AKAP19: variants seen among roughly 807,000 people sequenced by gnomAD.
AKAP19 encodes small A-kinase anchoring protein.
the AKAP19 span, among the ~76,000 whole-genome samples, chr2:190,168,073 C>G: frequency 2.6e-5 from 4 of 152,298 alleles, no homozygotes; most frequent in South Asian, 8.3e-4. Context: ...CAAACTTCTG[C>G]CTGGACATTC....
chr2:190,126,107 A>C, the AKAP19 span, among the ~76,000 whole-genome samples: 4 of 151,556 alleles, frequency 2.6e-5, no homozygotes, highest in Admixed American at 6.6e-5. Flanking sequence ...CCTGGCCAAC[A>C]TGATGAAATC....
chr2:190,188,746 C>T, the AKAP19 span, among the ~76,000 whole-genome samples: 175 of 152,300 alleles, frequency 1.1e-3, no homozygotes, highest in African/African-American at 4.1e-3. Flanking sequence ...ATTTAAACAG[C>T]TGCTATTATG....
At chr2:189,964,544 T>C in the AKAP19 span, among the ~76,000 whole-genome samples, 1 of 152,218 alleles carries the variant, frequency 6.6e-6, no homozygotes, top group African/African-American at 2.4e-5. Flanking sequence ...GAAGTATTTT[T>C]TGTTGATATT....
the AKAP19 span, among the ~76,000 whole-genome samples, chr2:190,126,934 A>C: frequency 1.3e-5 from 2 of 152,142 alleles, no homozygotes; most frequent in Non-Finnish European, 2.9e-5. Flanking sequence ...TTTCTGATGT[A>C]CTTGGCTAAG....
chr2:189,934,409 T>C, the AKAP19 span, among the ~76,000 whole-genome samples: 1 of 152,048 alleles, frequency 6.6e-6, no homozygotes, highest in Non-Finnish European at 1.5e-5. Context: ...TCTAAACTAA[T>C]TTTTGGTTCA....
chr2:189,958,982 A>G, the AKAP19 span, among the ~76,000 whole-genome samples: 2 of 152,108 alleles, frequency 1.3e-5, no homozygotes, highest in African/African-American at 4.8e-5. Flanking sequence ...TAAAATACAC[A>G]AAAGTGAGGA....
the AKAP19 span, among the ~76,000 whole-genome samples, chr2:189,923,155 A>G: frequency 2.4e-4 from 36 of 152,292 alleles, no homozygotes; most frequent in Middle Eastern, 0.017. Flanking sequence ...CATCTCTAAA[A>G]AAATAAATAA....
At chr2:189,932,550 A>G in the AKAP19 span, among the ~76,000 whole-genome samples, 4 of 150,712 alleles carry the variant, frequency 2.7e-5, no homozygotes, top group Non-Finnish European at 5.9e-5. Flanking sequence ...CTTCTCCTTT[A>G]TTTACTACTA....
At chr2:190,072,305 AG>A in the AKAP19 span, among the ~76,000 whole-genome samples, 1 of 152,150 alleles carries the variant, frequency 6.6e-6, no homozygotes, top group Admixed American at 6.6e-5. Flanking sequence ...AACTAACTGT[AG>A]GGTACTAAGC....
the AKAP19 span, among the ~76,000 whole-genome samples, chr2:189,946,507 A>G: frequency 2.0e-5 from 3 of 152,210 alleles, no homozygotes; most frequent in Non-Finnish European, 4.4e-5. Context: ...TATATTTAAG[A>G]GTTTAACGAC....
At chr2:189,974,264 T>A in the AKAP19 span, among the ~76,000 whole-genome samples, 5 of 152,246 alleles carry the variant, frequency 3.3e-5, no homozygotes, top group Non-Finnish European at 5.9e-5. Context: ...AGCAGGTTGT[T>A]CAGTTTCCAT....
the AKAP19 span, among the ~76,000 whole-genome samples, chr2:190,075,038 T>C: frequency 1.9e-4 from 29 of 152,324 alleles, no homozygotes; most frequent in African/African-American, 7.0e-4. Context: ...TTTTCTACTA[T>C]AGCTTGGTAA....
the AKAP19 span, among the ~76,000 whole-genome samples, chr2:190,097,558 C>A: frequency 6.6e-6 from 1 of 152,146 alleles, no homozygotes; most frequent in African/African-American, 2.4e-5. Flanking sequence ...CTTCATTTTA[C>A]CCTTAGAACT....
chr2:189,951,338 A>G, the AKAP19 span, among the ~76,000 whole-genome samples: 1 of 151,296 alleles, frequency 6.6e-6, no homozygotes, highest in Non-Finnish European at 1.5e-5. Flanking sequence ...AGTAGCTGGG[A>G]TTACAGGCAT....
chr2:190,055,992 T>C, the AKAP19 span: 1 of 152,530 alleles, frequency 6.6e-6, no homozygotes, highest in African/African-American at 2.4e-5. Flanking sequence ...AACGTTGAGA[T>C]TTAAACACAA....
At chr2:190,103,405 T>C in the AKAP19 span, among the ~76,000 whole-genome samples, 1 of 152,220 alleles carries the variant, frequency 6.6e-6, no homozygotes, top group Non-Finnish European at 1.5e-5. Context: ...AACTATCTCT[T>C]GTTGCTGACC....
At chr2:189,944,465 C>G in the AKAP19 span, among the ~76,000 whole-genome samples, 12 of 152,224 alleles carry the variant, frequency 7.9e-5, no homozygotes, top group Admixed American at 2.6e-4. Context: ...CCAATTAAAC[C>G]TCTTTTCTTT....
chr2:189,954,935 T>C, the AKAP19 span, among the ~76,000 whole-genome samples: 1 of 151,982 alleles, frequency 6.6e-6, no homozygotes, highest in East Asian at 1.9e-4. Context: ...GTTAGCAAAT[T>C]CTTTTTTAAA....
the AKAP19 span, among the ~76,000 whole-genome samples, chr2:189,987,717 C>T: frequency 6.6e-6 from 1 of 152,202 alleles, no homozygotes; most frequent in Non-Finnish European, 1.5e-5. Flanking sequence ...ATCCTCTCTA[C>T]TATTAGATCA....
Sources: gnomAD v4.1 joint callset for allele counts (sites outside exome capture counted in the v4.1 genomes callset) on GRCh38, gnomAD v4.1.1 for gene constraint, MANE v1.5 for transcripts, NCBI Gene and HGNC (gene_info 2026-07-23, HGNC 2026-07-21) for gene names.